Variants in NDUFA8 observed in about 807,000 individuals in gnomAD.
NDUFA8 encodes the protein NADH:ubiquinone oxidoreductase subunit A8, also known as NADH dehydrogenase [ubiquinone] 1 alpha subcomplex subunit 8.
Under a neutral mutation model 20.9 loss-of-function variants are expected in NDUFA8, and 16 were observed. The observed-to-expected ratio is 0.77, with a 90% CI of 0.52 to 1.16. The LOEUF (loss-of-function observed/expected upper bound fraction) is 1.16, where lower values mean the gene tolerates loss of function less well. Among genes scored for constraint, NDUFA8 ranks in the 50% most tolerant of loss-of-function variants. NDUFA8 has a pLI of 0.00. For missense variants in NDUFA8, 202 were observed against 216.4 expected, an observed-to-expected ratio of 0.93 and a Z score of 0.42; for synonymous variants, 70 against 76.1, an observed-to-expected ratio of 0.92 and a Z score of 0.41.
intron 2 of NDUFA8, among the ~76,000 whole-genome samples, chr9:122,149,597 T>G (rs1036687014): frequency 4.6e-5 from 7 of 152,068 alleles, no homozygotes; most frequent in African/African-American, 1.4e-4. Flanking sequence ...ATCCAAACAT[T>G]CCCCGCTTAA....
chr9:122,144,282 G>A lies in NDUFA8; in HGVS notation c.478C>T (p.Pro160Ser). 3.7e-6 allele frequency: 6 copies of A among 1,614,082 alleles called. No individual in the cohort carries two copies. The highest frequency in any genetic ancestry group is 5.1e-6 in the Non-Finnish European group (6 of 1,179,968). Residue 160 changes from proline to serine, a missense_variant, in exon 4 of 4, where the codon CCT becomes TCT. By Grantham distance (74) the Pro-to-Ser change is moderately conservative. Coordinates refer to ENST00000373768, the MANE Select transcript of NDUFA8 (RefSeq NM_014222.3). The stretch of plus-strand genomic sequence containing the variant: ...TAAAAGCGGCTGCCATGTGTGGCAG[G>A]CTGCAGATCTCCCTCGATCTCAGGG... ...PSPEIEGDLQPATHGSRFYFW... is the reference protein window; with the variant it reads ...PSPEIEGDLQSATHGSRFYFW...
intron 2 of NDUFA8, among the ~76,000 whole-genome samples, chr9:122,150,410 C>CAAAAAAAAA (rs60728190): frequency 1.5e-4 from 3 of 19,658 alleles, no homozygotes; most frequent in Non-Finnish European, 4.2e-4. Flanking sequence ...CACCCCATCA[C>CAAAAAAAAA]AAAAAAAAAA....
intron 2 of NDUFA8, 123 bp downstream of exon 2, chr9:122,152,122 C>T (rs1829008614): frequency 3.6e-6 from 4 of 1,113,748 alleles, no homozygotes; most frequent in South Asian, 1.3e-5. Context: ...GAATGTTTTA[C>T]CTTGGTCTGA....
chr9:122,153,989 T>C (rs1024428137), intron 1 of NDUFA8, among the ~76,000 whole-genome samples: 1 of 152,208 alleles, frequency 6.6e-6, no homozygotes, highest in African/African-American at 2.4e-5. Flanking sequence ...CTAGACATAC[T>C]TGTTCTTTCC....
downstream of NDUFA8, chr9:122,143,947 G>A (rs916737698): frequency 7.9e-5 from 55 of 692,380 alleles, no homozygotes; most frequent in South Asian, 7.0e-4. Flanking sequence ...CCACATGAGC[G>A]AGTGCCTAAA....
At chr9:122,159,562 G>A (rs1026424243) in intron 1 of NDUFA8, 65 bp downstream of exon 1, 3 of 1,599,136 alleles carry the variant, frequency 1.9e-6, no homozygotes, top group Non-Finnish European at 2.6e-6. Flanking sequence ...CCCAAGGGGG[G>A]CTAGGCCCAG....
At chr9:122,138,944 G>T in the NDUFA8 span, among the ~76,000 whole-genome samples, 6 of 152,040 alleles carry the variant, frequency 3.9e-5, no homozygotes, top group Admixed American at 1.3e-4. Context: ...GAGTGTTGGG[G>T]GACAGTAGTG....
intron 2 of NDUFA8, among the ~76,000 whole-genome samples, chr9:122,150,971 CAA>C (rs71508152): frequency 2.0e-5 from 1 of 50,416 alleles, no homozygotes; most frequent in Non-Finnish European, 3.2e-5. Context: ...GACTCCGTCT[CAA>C]AAAAAAAAAA....
chr9:122,158,913 C>G (rs1829127212), intron 1 of NDUFA8, among the ~76,000 whole-genome samples: 1 of 151,828 alleles, frequency 6.6e-6, no homozygotes. Flanking sequence ...AGGACTTGAT[C>G]ATGTTAGCTA....
the NDUFA8 span, among the ~76,000 whole-genome samples, chr9:122,138,868 G>A: frequency 4.2e-5 from 6 of 143,228 alleles, 1 homozygote; most frequent in Non-Finnish European, 9.2e-5. Flanking sequence ...GAAGAGGTGG[G>A]GGGGGGGCCA....
At chr9:122,147,917 C>T (rs1303688587) in intron 3 of NDUFA8, among the ~76,000 whole-genome samples, 195 bp downstream of exon 3, 4 of 152,302 alleles carry the variant, frequency 2.6e-5, no homozygotes, top group Non-Finnish European at 4.4e-5. Flanking sequence ...TGAGCCACCA[C>T]GCCCAGCCAG....
chr9:122,150,282 T>C (rs1450801010), intron 2 of NDUFA8, among the ~76,000 whole-genome samples: 1 of 151,650 alleles, frequency 6.6e-6, no homozygotes, highest in Non-Finnish European at 1.5e-5. Flanking sequence ...TGGTACTGGG[T>C]GCCCTATAGT....
At position 122,152,298 on chromosome 9, in the gene NDUFA8, C is replaced by T; in HGVS notation, c.162G>A (p.Arg54=). The T allele has an allele frequency of 6.2e-7, 1 of 1,614,192 alleles. No homozygotes were observed. Among genetic ancestry groups the T allele is most frequent in the South Asian group, 1.1e-5 (1 of 91,080 alleles). The change falls in exon 2 of 4, where the codon AGG becomes AGA. Residue 54 remains arginine (R), a synonymous_variant. Transcript: ENST00000373768. ...CCAGTTTGCCTTCCTCTAAACACCGCCTCGGATCTTTCTCTTCCCAGCGGC... is the reference window on the plus strand; with the variant it reads ...CCAGTTTGCCTTCCTCTAAACACCGTCTCGGATCTTTCTCTTCCCAGCGGC... The part of the protein sequence containing the change: ...MLCRWEEKDP[R]RCLEEGKLVN...
chr9:122,148,397 A>C (rs1224722402), intron 2 of NDUFA8, 120 bp from the exon 3 acceptor site: 6 of 1,111,190 alleles, frequency 5.4e-6, no homozygotes, highest in Non-Finnish European at 8.1e-6. Flanking sequence ...GTATGTGAGT[A>C]CATATTCTTA....
chr9:122,148,352 AC>A, intron 2 of NDUFA8, 75 bp from the exon 3 acceptor site: 1 of 1,525,286 alleles, frequency 6.6e-7, no homozygotes, highest in Non-Finnish European at 9.1e-7. Flanking sequence ...AAAAATAGGT[AC>A]AGATCTCAAA....
chr9:122,133,012 C>T, the NDUFA8 span: 5 of 456,082 alleles, frequency 1.1e-5, no homozygotes, highest in East Asian at 2.1e-4. Flanking sequence ...CCACTAGCCT[C>T]GGGCCCCTTT....
downstream of NDUFA8, chr9:122,143,930 T>G: frequency 3.5e-6 from 2 of 563,906 alleles, no homozygotes; most frequent in Non-Finnish European, 5.5e-6. Flanking sequence ...CTAACAGGGA[T>G]CCCCAGCCAC....
intron 2 of NDUFA8, 51 bp downstream of exon 2, chr9:122,152,194 T>C (rs1183732561): frequency 1.2e-6 from 2 of 1,605,844 alleles, no homozygotes; most frequent in Admixed American, 3.3e-5. Context: ...CACTTATTCA[T>C]TTAAACCTTT....
At chr9:122,133,938 G>A in the NDUFA8 span, among the ~76,000 whole-genome samples, 1 of 152,160 alleles carries the variant, frequency 6.6e-6, no homozygotes, top group South Asian at 2.1e-4. Flanking sequence ...ACCCGGCCAG[G>A]CCATCCTTTA....
Sources: gnomAD v4.1 joint callset for allele counts (sites outside exome capture counted in the v4.1 genomes callset) on GRCh38, gnomAD v4.1.1 for gene constraint, MANE v1.5 for transcripts, NCBI Gene and HGNC (gene_info 2026-07-23, HGNC 2026-07-21) for gene names.